The following SH3D19 variants were observed in gnomAD, a reference collection of about 807,000 sequenced individuals.
The protein encoded by SH3D19 is SH3 domain-containing protein 19.
In SH3D19, 58 loss-of-function variants were observed where a neutral mutation model predicts 112.1. That is an observed-to-expected ratio of 0.52 (90% CI 0.42 to 0.64). The LOEUF is 0.64. Among genes scored for constraint, SH3D19 ranks in the 30% least tolerant of loss-of-function variants. The pLI, the probability that SH3D19 is intolerant of heterozygous loss-of-function variation, is 0.00. For synonymous variants in SH3D19, 391 were observed against 448.5 expected (o/e 0.87, Z 1.62); for missense variants, 1,090 against 1,263.4 (o/e 0.86, Z 2.08).
chr4:151,183,018 GTCTC>G (rs1761197426), intron 3 of SH3D19, among the ~76,000 whole-genome samples: 1 of 149,986 alleles, frequency 6.7e-6, no homozygotes, highest in African/African-American at 2.5e-5. Flanking sequence ...TTGAGCTGGG[GTCTC>G]TCTCTGTCGC....
intron 17 of SH3D19, among the ~76,000 whole-genome samples, chr4:151,131,374 G>C (rs961151744): frequency 6.6e-6 from 1 of 151,190 alleles, no homozygotes; most frequent in Admixed American, 6.6e-5. Context: ...TAACTGAATA[G>C]GTTAAATGGT....
At position 151,128,283 on chromosome 4, in the gene SH3D19, A is replaced by G. The variant is rs934243677; in HGVS notation, c.2816T>C (p.Phe939Ser). 14 of 1,614,032 alleles carry G rather than the reference A, an allele frequency of 8.7e-6. No individual in the cohort carries two copies. The Admixed American group carries it at 2.0e-4, about 23-fold the overall frequency. ...FTAETSDDLS[F>S]KRGDRIQILE... ...AATCTGGATCCGGTCTCCCCTCTTG[A>G]ATGATAAGTCATCACTGGTCTCTGC... Residue 939 changes from phenylalanine to serine, a missense_variant, in exon 18 of 20, where the codon TTC (phenylalanine) becomes TCC (serine). Phe to Ser is a radical substitution (Grantham distance 155). Transcript: ENST00000604030.
At chr4:151,204,516 C>T (rs1764827910) in intron 2 of SH3D19, among the ~76,000 whole-genome samples, 1 of 152,168 alleles carries the variant, frequency 6.6e-6, no homozygotes, top group Admixed American at 6.5e-5. Flanking sequence ...TAGCAAAATG[C>T]TTTTCACACA....
In SH3D19 at chr4:151,121,061, A is replaced by G. The variant is rs1039714772; in HGVS notation, c.*1030T>C. 2 of 152,640 alleles carry G rather than the reference A, an allele frequency of 1.3e-5. No individual in the cohort carries two copies. Among genetic ancestry groups the G allele is most frequent in the Admixed American group, 1.3e-4 (2 of 15,280 alleles). 9.5% of individuals were successfully genotyped at this position (152,640 alleles called of 1,614,324 possible). A position where few individuals can be genotyped will look rare whatever the true frequency, so the allele number is the denominator to read the frequency against. ...CAGGGATAAGCTAGAGAAAAAATAA[A>G]ACAAAAAAGTACCAGTCTTCTGTCC... On this transcript the variant is annotated 3_prime_UTR_variant, in exon 20 of 20. Coordinates refer to ENST00000604030, the MANE Select transcript of SH3D19 (RefSeq NM_001378122.1).
intron 1 of SH3D19, among the ~76,000 whole-genome samples, chr4:151,299,603 T>TAAAAAAAAAAAAAAAAAAAAAAAAA (rs1728150977): frequency 9.8e-6 from 1 of 102,250 alleles, no homozygotes; most frequent in African/African-American, 3.1e-5. Flanking sequence ...AAAAAAAAAT[T>TAAAAAAAAAAAAAAAAAAAAAAAAA]AAAATCACTG....
intron 19 of SH3D19, 137 bp from the exon 20 acceptor site, chr4:151,122,344 A>G (rs926722899): frequency 1.7e-5 from 10 of 601,684 alleles, no homozygotes; most frequent in Non-Finnish European, 3.0e-5. Flanking sequence ...AATGACAACA[A>G]TGATCTATAC....
chr4:151,250,726 C>T (rs947518394), intron 1 of SH3D19, among the ~76,000 whole-genome samples: 1 of 152,176 alleles, frequency 6.6e-6, no homozygotes, highest in African/African-American at 2.4e-5. Context: ...TTAATAACAG[C>T]TATTAATTCT....
At chr4:151,130,246 A>G (rs949621604) in intron 17 of SH3D19, among the ~76,000 whole-genome samples, 2 of 152,138 alleles carry the variant, frequency 1.3e-5, no homozygotes, top group Non-Finnish European at 2.9e-5. Flanking sequence ...TTTTGAGACC[A>G]GCCTGGGCAA....
At chr4:151,245,180 AT>A (rs1453563655) in intron 1 of SH3D19, among the ~76,000 whole-genome samples, 4 of 151,962 alleles carry the variant, frequency 2.6e-5, no homozygotes, top group African/African-American at 4.8e-5. Flanking sequence ...AATAATAATA[AT>A]TAAGTTGCTT....
chr4:151,130,434 C>CA (rs895231112), intron 17 of SH3D19, among the ~76,000 whole-genome samples: 4 of 150,894 alleles, frequency 2.7e-5, no homozygotes, highest in East Asian at 2.0e-4. Context: ...GATCCTGTCT[C>CA]AAAAAAACAA....
At chr4:151,291,152 A>C (rs765696448) in intron 1 of SH3D19, 1 of 1,613,540 alleles carries the variant, frequency 6.2e-7, no homozygotes, top group Non-Finnish European at 8.5e-7. Context: ...TGTCACATTG[A>C]TGGTGTATGG....
At chr4:151,233,153 C>T (rs1341957607) in intron 1 of SH3D19, among the ~76,000 whole-genome samples, 1 of 151,880 alleles carries the variant, frequency 6.6e-6, no homozygotes, top group African/African-American at 2.4e-5. Flanking sequence ...CACTGTCTCC[C>T]ATCACCCCCA....
At chr4:151,168,472 C>A (rs569523461) in intron 7 of SH3D19, among the ~76,000 whole-genome samples, 13 of 150,974 alleles carry the variant, frequency 8.6e-5, no homozygotes, top group Non-Finnish European at 1.6e-4. Flanking sequence ...CTCTGTCATT[C>A]CACCCAGGCT....
chr4:151,220,692 G>T (rs548134878), intron 2 of SH3D19, among the ~76,000 whole-genome samples: 2 of 152,302 alleles, frequency 1.3e-5, no homozygotes, highest in East Asian at 1.9e-4. Context: ...TCTGGGAAAA[G>T]AAGTTATAAA....
intron 1 of SH3D19, among the ~76,000 whole-genome samples, chr4:151,295,106 C>A (rs1775611484): frequency 1.3e-5 from 2 of 152,168 alleles, no homozygotes; most frequent in African/African-American, 2.4e-5. Context: ...GGAGCAGGGG[C>A]CAGGTCCTGC....
At chr4:151,187,908 A>G (rs1453977070) in intron 2 of SH3D19, among the ~76,000 whole-genome samples, 1 of 152,216 alleles carries the variant, frequency 6.6e-6, no homozygotes, top group African/African-American at 2.4e-5. Context: ...TTAAGATTAG[A>G]ATTTAAAACA....
At chr4:151,201,290 A>T (rs578250785) in intron 2 of SH3D19, among the ~76,000 whole-genome samples, 15 of 152,364 alleles carry the variant, frequency 9.8e-5, no homozygotes, top group Non-Finnish European at 2.2e-4. Context: ...TGAATAACAA[A>T]AATGAATTAC....
At chr4:151,166,874 G>A (rs150390873) in intron 7 of SH3D19, among the ~76,000 whole-genome samples, 1 of 152,100 alleles carries the variant, frequency 6.6e-6, no homozygotes, top group African/African-American at 2.4e-5. Context: ...GTTCTCAGTC[G>A]ATCTCACCAT....
chr4:151,168,065 T>C (rs1249007141), intron 7 of SH3D19, among the ~76,000 whole-genome samples: 1 of 152,218 alleles, frequency 6.6e-6, no homozygotes, highest in African/African-American at 2.4e-5. Context: ...GCTGGGAATA[T>C]AGCAGTGAAC....
Sources: gnomAD v4.1 joint callset for allele counts (sites outside exome capture counted in the v4.1 genomes callset) on GRCh38, gnomAD v4.1.1 for gene constraint, MANE v1.5 for transcripts, NCBI Gene and HGNC (gene_info 2026-07-23, HGNC 2026-07-21) for gene names.